Variants in URB1 observed in about 807,000 individuals in gnomAD.
URB1 encodes the protein nucleolar pre-ribosomal-associated protein 1.
Under a neutral mutation model 242.3 loss-of-function variants are expected in URB1, and 197 were observed. The ratio of observed to expected loss-of-function variants is 0.81; its 90% CI spans 0.72 to 0.91. The LOEUF (loss-of-function observed/expected upper bound fraction) is 0.91, where lower values mean the gene tolerates loss of function less well. URB1 is among the 40% of genes least tolerant of loss of function. The probability of loss-of-function intolerance (pLI) is 0.00; values close to 1 mark genes in which losing one functional copy is unlikely to be tolerated. For missense variants in URB1, 2,721 were observed against 2,860.5 expected (o/e 0.95, Z 1.11); for synonymous variants, 1,153 against 1,201.8 (o/e 0.96, Z 0.84).
At chr21:32,333,216 C>T (rs919906368) in intron 30 of URB1, 101 bp downstream of exon 30, 1 of 937,736 alleles carries the variant, frequency 1.1e-6, no homozygotes, top group Non-Finnish European at 1.7e-6. Flanking sequence ...TTCCAAGATT[C>T]AGGTCCTCAT....
chr21:32,318,484 T>C (rs915367152), intron 36 of URB1, among the ~76,000 whole-genome samples: 1 of 152,230 alleles, frequency 6.6e-6, no homozygotes, highest in East Asian at 1.9e-4. Flanking sequence ...GATCCCTACA[T>C]AGGAAAGGTT....
At chr21:32,368,321 G>A (rs2033368576) in intron 9 of URB1, 82 bp downstream of exon 9, 15 of 1,303,018 alleles carry the variant, frequency 1.2e-5, no homozygotes, top group Admixed American at 2.9e-5. Context: ...GCCTGCCTCG[G>A]CCTCCCGAAG....
rs368234911 is a variant in URB1, at chr21:32,338,821, G to T, written c.4396C>A (p.Arg1466Ser). 193 of 1,551,718 alleles carry T rather than the reference G, an allele frequency of 1.2e-4. No homozygotes were observed. The highest frequency in any genetic ancestry group is 2.0e-5 in the Admixed American group (1 of 50,984). Residue 1466 changes from arginine to serine, a missense_variant, in exon 26 of 39, where the codon CGC becomes AGC. By Grantham distance (110) the Arg-to-Ser change is moderately radical. Transcript: ENST00000382751. ...QLLYSPESSV[R>S]TKLIQLPVVY... ...ACCGGGAGCTGGATGAGCTTCGTGC[G>T]CACGGAGCTTTCTGGGCTGTACAGG...
chr21:32,352,983 C>A, intron 18 of URB1, 77 bp from the exon 19 acceptor site: 1 of 1,428,946 alleles, frequency 7.0e-7, no homozygotes, highest in Non-Finnish European at 9.3e-7. Context: ...CCACCTTCTT[C>A]CACATACAGG....
intron 30 of URB1, among the ~76,000 whole-genome samples, chr21:32,330,553 A>C (rs112303149): frequency 1.3e-5 from 2 of 151,860 alleles, no homozygotes; most frequent in Admixed American, 6.6e-5. Flanking sequence ...TTTTGCTATT[A>C]AACTTTTTCC....
At chr21:32,338,404 G>A (rs1239242054) in intron 26 of URB1, among the ~76,000 whole-genome samples, 6 of 151,958 alleles carry the variant, frequency 3.9e-5, no homozygotes, top group East Asian at 3.9e-4. Flanking sequence ...TTTTTCCCAC[G>A]CGTGACTTCC....
intron 18 of URB1, among the ~76,000 whole-genome samples, chr21:32,353,670 A>G (rs984161197): frequency 4.6e-5 from 7 of 152,212 alleles, no homozygotes; most frequent in Non-Finnish European, 7.3e-5. Flanking sequence ...TCAACGTTAC[A>G]GAGGCTGTCT....
rs2033657655 is a variant in URB1 at position 32,392,956 on chromosome 21, C to G, written c.-46G>C. 1 of 1,453,110 alleles carries G rather than the reference C, an allele frequency of 6.9e-7. No homozygotes were observed. Among genetic ancestry groups the G allele is most frequent in the Non-Finnish European group, 9.1e-7 (1 of 1,102,332 alleles). 90.0% of individuals were successfully genotyped at this position (1,453,110 alleles called of 1,614,324 possible). On this transcript the variant is annotated 5_prime_UTR_variant, in exon 1 of 39. Coordinates refer to ENST00000382751, the MANE Select transcript of URB1 (RefSeq NM_014825.3). ...GACGGAAACGACACACCTGAGGGGA[C>G]CCGGCAGGAGCACTGGCACAGACAG...
At chr21:32,354,125 C>T (rs1351686693) in intron 17 of URB1, 22 bp from the exon 18 acceptor site, 1 of 1,551,234 alleles carries the variant, frequency 6.4e-7, no homozygotes, top group South Asian at 1.2e-5. Context: ...AGAGGAGAAT[C>T]CAGCTGATGT....
intron 21 of URB1, among the ~76,000 whole-genome samples, chr21:32,348,759 C>T (rs532862357): frequency 3.9e-5 from 6 of 152,192 alleles, no homozygotes; most frequent in African/African-American, 1.4e-4. Flanking sequence ...CAAGAAAATA[C>T]CTCCCAGAAA....
intron 28 of URB1, among the ~76,000 whole-genome samples, chr21:32,335,042 T>A (rs936016204): frequency 2.0e-5 from 3 of 151,818 alleles, no homozygotes; most frequent in Admixed American, 2.0e-4. Flanking sequence ...GCCAGGCCGC[T>A]CCCCAGAGCC....
chr21:32,378,055 A>G (rs1374175334), intron 5 of URB1, among the ~76,000 whole-genome samples: 8 of 152,216 alleles, frequency 5.3e-5, no homozygotes, highest in Non-Finnish European at 8.8e-5. Flanking sequence ...CTAAGCCACC[A>G]AAGAAACTAA....
At chr21:32,333,605 C>T (rs1601127611) in intron 29 of URB1, among the ~76,000 whole-genome samples, 186 bp from the exon 30 acceptor site, 4 of 152,254 alleles carry the variant, frequency 2.6e-5, no homozygotes, top group Admixed American at 2.6e-4. Context: ...GTTTCATATG[C>T]ACGTAATATA....
intron 30 of URB1, among the ~76,000 whole-genome samples, chr21:32,332,948 A>G (rs1386690306): frequency 6.6e-6 from 1 of 152,216 alleles, no homozygotes; most frequent in Non-Finnish European, 1.5e-5. Context: ...GCCAAGAAAA[A>G]GGCAACCTCA....
intron 15 of URB1, 69 bp downstream of exon 15, chr21:32,357,468 A>G: frequency 2.2e-6 from 3 of 1,362,366 alleles, no homozygotes; most frequent in East Asian, 2.9e-5. Flanking sequence ...ACTGTTAACT[A>G]AACACTTACC....
At chr21:32,371,430 T>C (rs183115719) in intron 8 of URB1, among the ~76,000 whole-genome samples, 4 of 152,336 alleles carry the variant, frequency 2.6e-5, no homozygotes, top group South Asian at 2.1e-4. Flanking sequence ...GTTTTAAGCA[T>C]GGTGTAATAT....
intron 25 of URB1, among the ~76,000 whole-genome samples, chr21:32,340,007 TA>T (rs899503165): frequency 1.2e-4 from 19 of 152,226 alleles, no homozygotes; most frequent in African/African-American, 4.3e-4. Context: ...CAAAACCCAC[TA>T]AGGAAAGGAA....
At chr21:32,389,585 A>C (rs1356441440) in intron 1 of URB1, among the ~76,000 whole-genome samples, 1 of 152,204 alleles carries the variant, frequency 6.6e-6, no homozygotes, top group African/African-American at 2.4e-5. Flanking sequence ...AATTCTCAGG[A>C]GGAGAATCAA....
rs1339027538 is a variant in URB1, at chr21:32,316,580, T to G, written c.6520A>C (p.Asn2174His). ...GCCACCAGCTGCAGCATGACCGTATTGAACAGGCAGGCCACCTCCTGCACA... is the reference window on the plus strand; with the variant it reads ...GCCACCAGCTGCAGCATGACCGTATGGAACAGGCAGGCCACCTCCTGCACA... ...GPVQEVACLF[N>H]TVMLQLVAAQ... Residue 2174 changes from asparagine (N) to histidine (H), a missense_variant, in exon 38 of 39, where the codon AAT becomes CAT. By Grantham distance (68) the Asn-to-His change is moderately conservative (BLOSUM62 1). Coordinates refer to ENST00000382751, the MANE Select transcript of URB1 (RefSeq NM_014825.3). 4 of 1,551,320 alleles carry G rather than the reference T, an allele frequency of 2.6e-6. No individual in the cohort carries two copies. The highest frequency in any genetic ancestry group is 3.5e-6 in the Non-Finnish European group (4 of 1,146,946).
Sources: allele counts gnomAD v4.1 joint callset (sites outside exome capture counted in the v4.1 genomes callset), GRCh38; gene constraint gnomAD v4.1.1; transcripts MANE v1.5; gene names NCBI Gene and HGNC (gene_info 2026-07-23, HGNC 2026-07-21).